Variants in MTR observed in about 807,000 individuals in gnomAD.
MTR encodes the protein 5-methyltetrahydrofolate-homocysteine methyltransferase.
MTR carries 84 observed loss-of-function variants against 154.8 expected under a neutral mutation model. That is an observed-to-expected ratio of 0.54 (90% CI 0.45 to 0.65). The LOEUF (loss-of-function observed/expected upper bound fraction) is 0.65, where lower values mean the gene tolerates loss of function less well. MTR is among the 30% of genes least tolerant of loss of function. The pLI, the probability that MTR is intolerant of heterozygous loss-of-function variation, is 0.00. For missense variants in MTR, 1,275 were observed against 1,570.2 expected, an observed-to-expected ratio of 0.81 and a Z score of 3.18; for synonymous variants, 554 against 553.9, an observed-to-expected ratio of 1.00 and a Z score of 0.00.
intron 16 of MTR, among the ~76,000 whole-genome samples, 193 bp from the exon 17 acceptor site, chr1:236,852,328 C>A (rs2275568): frequency 6.6e-6 from 1 of 151,654 alleles, no homozygotes; most frequent in Admixed American, 6.6e-5. Context: ...AAACTACTTA[C>A]GAAGCAGCGC....
intron 8 of MTR, among the ~76,000 whole-genome samples, chr1:236,822,606 G>T (rs536552039): frequency 6.6e-6 from 1 of 152,106 alleles, no homozygotes; most frequent in Non-Finnish European, 1.5e-5. Flanking sequence ...CACTGTGCCT[G>T]TCCTGTGTTT....
At chr1:236,896,967 C>T in intron 31 of MTR, 39 bp from the exon 32 acceptor site, 1 of 1,473,016 alleles carries the variant, frequency 6.8e-7, no homozygotes, top group Non-Finnish European at 9.5e-7. Context: ...GTGCTAGACA[C>T]TGAGTCCATA....
At chr1:236,895,322 G>T in intron 30 of MTR, 36 bp from the exon 31 acceptor site, 1 of 1,566,852 alleles carries the variant, frequency 6.4e-7, no homozygotes, top group East Asian at 2.3e-5. Flanking sequence ...GAGCCCCTGC[G>T]TCTGCCTAAG....
At chr1:236,820,462 C>T in intron 8 of MTR, 1 of 1,407,628 alleles carries the variant, frequency 7.1e-7, no homozygotes, top group Non-Finnish European at 9.9e-7. Context: ...GAAGACTGGT[C>T]TGCAGCTCCC....
intron 11 of MTR, among the ~76,000 whole-genome samples, chr1:236,827,323 T>G (rs1319727612): frequency 1.3e-5 from 2 of 152,230 alleles, no homozygotes; most frequent in Non-Finnish European, 2.9e-5. Context: ...TTTGGCACTT[T>G]GTTATGGCAG....
chr1:236,882,522 C>T (rs940923854), intron 25 of MTR, among the ~76,000 whole-genome samples: 1 of 151,858 alleles, frequency 6.6e-6, no homozygotes. Flanking sequence ...TCACAAGTAG[C>T]TGGGATTACA....
chr1:236,874,570 CAA>C (rs763802762), intron 23 of MTR, among the ~76,000 whole-genome samples, 154 bp from the exon 24 acceptor site: 15 of 119,372 alleles, frequency 1.3e-4, no homozygotes, highest in African/African-American at 9.2e-5. Context: ...GACTCCATCT[CAA>C]AAAAAAAAAA....
chr1:236,853,150 C>T, intron 18 of MTR, 62 bp downstream of exon 18: 5 of 1,513,476 alleles, frequency 3.3e-6, no homozygotes, highest in Middle Eastern at 3.4e-4. Context: ...TACTCACCTA[C>T]AGTTAGTAGA....
intron 10 of MTR, among the ~76,000 whole-genome samples, chr1:236,826,260 AGTC>A (rs1266912567): frequency 2.0e-5 from 3 of 152,332 alleles, no homozygotes; most frequent in African/African-American, 7.2e-5. Context: ...TGGGTAAAAA[AGTC>A]ATTAGATAGG....
chr1:236,897,645 CTTTTTTT>C lies in MTR; in HGVS notation c.*10_*16del, dbSNP rs67705775. Reference sequence around the variant, plus strand: ...CATTTTGGGATATGATACAGACTAACTTTTTTTTTTTTTTTGCCTTTTTTATTCTTGA... The same window carrying C: ...CATTTTGGGATATGATACAGACTAACTTTTTTTTGCCTTTTTTATTCTTGA... On this transcript the variant is annotated 3_prime_UTR_variant, in exon 33 of 33. Transcript: ENST00000366577. 1 of 1,191,246 alleles carries C rather than the reference CTTTTTTT, an allele frequency of 8.4e-7. No individual in the cohort carries two copies. Among genetic ancestry groups the C allele is most frequent in the Non-Finnish European group, 1.2e-6 (1 of 863,402 alleles). The allele number at this position is 1,191,246 out of a possible 1,614,324, so 73.8% of individuals were successfully genotyped here.
chr1:236,870,181 G>A (rs1161257075), intron 22 of MTR, among the ~76,000 whole-genome samples: 1 of 152,180 alleles, frequency 6.6e-6, no homozygotes, highest in Non-Finnish European at 1.5e-5. Context: ...GAAATAGTGA[G>A]AATTGCCCTC....
chr1:236,903,033 C>T lies in MTR; in HGVS notation c.*5389C>T, dbSNP rs1386814074. 1.3e-5 allele frequency: 2 copies of T among 152,180 alleles called. No homozygotes were observed. Among genetic ancestry groups the T allele is most frequent in the Admixed American group, 6.5e-5 (1 of 15,284 alleles). The allele number at this position is 152,180 out of a possible 1,614,324, so 9.4% of individuals were successfully genotyped here. ...CCTGTAAACCCAGCTATTCAGGAGG[C>T]TGAGGTGGGAGGATCGGTTGAGGCC... is the stretch of plus-strand genomic sequence containing the variant. On this transcript the variant is annotated 3_prime_UTR_variant, in exon 33 of 33. Transcript: ENST00000366577.
At chr1:236,877,737 A>C (rs76866630) in intron 24 of MTR, among the ~76,000 whole-genome samples, 2,772 of 152,200 alleles carry the variant, frequency 0.018, 100 homozygotes, top group African/African-American at 0.064. Context: ...ATGTATGTGT[A>C]TTTTTGCCTA....
Position 236,894,725 on chromosome 1 carries a change from A to G in MTR, c.3405+168A>G, listed in dbSNP as rs562503332. The stretch of plus-strand genomic sequence containing the variant: ...CATTATACGTATTTTAATATTATGT[A>G]TCCCCAGATTGCTTGTGTACATTAT... On this transcript the variant is annotated intron_variant, in intron 30 of 32. Transcript: ENST00000366577. The G allele has an allele frequency of 8.1e-5, 54 of 663,368 alleles. No homozygotes were observed. The African/African-American group carries it at 9.8e-4, about 12-fold the overall frequency. The allele number at this position is 663,368 out of a possible 1,614,324, so 41.1% of individuals were successfully genotyped here.
At chr1:236,863,876 C>A (rs887276223) in intron 22 of MTR, among the ~76,000 whole-genome samples, 1 of 152,096 alleles carries the variant, frequency 6.6e-6, no homozygotes, top group African/African-American at 2.4e-5. Flanking sequence ...AGGCTCCTTC[C>A]CATGGCCAGT....
intron 1 of MTR, among the ~76,000 whole-genome samples, chr1:236,796,280 C>T (rs896505718): frequency 2.0e-5 from 3 of 152,200 alleles, no homozygotes; most frequent in African/African-American, 2.4e-5. Context: ...GACCCCACCT[C>T]CAGATACCGA....
chr1:236,861,215 C>T lies in MTR; in HGVS notation c.2134C>T (p.Leu712=). 1 of 1,613,614 alleles carries T rather than the reference C, an allele frequency of 6.2e-7. No individual in the cohort carries two copies. The highest frequency in any genetic ancestry group is 1.1e-5 in the South Asian group (1 of 91,050). ...PRPLNIIEGP[L]MNGMKIVGDL... ...ACCTCTCAATATAATTGAAGGACCC[C>T]TGATGAATGGAATGAAAATTGTTGG... Residue 712 remains leucine, a synonymous_variant, in exon 20 of 33, where the codon CTG becomes TTG. Transcript: ENST00000366577.
At chr1:236,820,788 G>A (rs779127308) in intron 8 of MTR, among the ~76,000 whole-genome samples, 1 of 152,160 alleles carries the variant, frequency 6.6e-6, no homozygotes, top group African/African-American at 2.4e-5. Context: ...GAGAGTTCCT[G>A]TTGTTCCGCA....
chr1:236,812,302 G>A (rs946717059), intron 5 of MTR, among the ~76,000 whole-genome samples: 2 of 152,246 alleles, frequency 1.3e-5, no homozygotes, highest in Non-Finnish European at 2.9e-5. Context: ...CAAAATCTGC[G>A]GGCTTGCAGC....
Sources: allele counts gnomAD v4.1 joint callset (sites outside exome capture counted in the v4.1 genomes callset), GRCh38; gene constraint gnomAD v4.1.1; transcripts MANE v1.5; gene names NCBI Gene and HGNC (gene_info 2026-07-23, HGNC 2026-07-21).